Variants in PPP2R3B observed in about 807,000 individuals in gnomAD.
PPP2R3B encodes serine/threonine-protein phosphatase 2A regulatory subunit B'' subunit beta.
Under a neutral mutation model 72.9 loss-of-function variants are expected in PPP2R3B, and 68 were observed. The observed-to-expected ratio is 0.93, with a 90% confidence interval of 0.77 to 1.14. The LOEUF is 1.14. Among genes scored for constraint, PPP2R3B ranks in the 50% most tolerant of loss-of-function variants. PPP2R3B has a pLI of 0.00. For missense variants in PPP2R3B, 1,018 were observed against 842.0 expected (o/e 1.21, Z -2.59); for synonymous variants, 466 against 375.8 (o/e 1.24, Z -2.78).
intron 2 of PPP2R3B, chrX:347,918 C>G: frequency 1.9e-6 from 1 of 531,594 alleles, no homozygotes; most frequent in Non-Finnish European, 3.3e-6. Context: ...CGCAGTATCC[C>G]CTGACCACAG....
intron 2 of PPP2R3B, chrX:359,813 G>A (rs770350334): frequency 3.3e-5 from 17 of 511,734 alleles, no homozygotes; most frequent in African/African-American, 2.3e-4. Flanking sequence ...AACAATAAGA[G>A]GATAAACCAA....
At chrX:382,779 G>A (rs1265477822) in intron 1 of PPP2R3B, among the ~76,000 whole-genome samples, 2 of 151,940 alleles carry the variant, frequency 1.3e-5, no homozygotes, top group African/African-American at 4.8e-5. Context: ...AGTCACAATA[G>A]TCCCAGCCCT....
intron 1 of PPP2R3B, chrX:373,582 C>T (rs1161751717): frequency 6.9e-6 from 2 of 288,866 alleles, no homozygotes; most frequent in Admixed American, 3.4e-5. Flanking sequence ...AGCACGAAGT[C>T]GCAGCCGCGG....
At chrX:345,186 G>A (rs2071171155) in intron 7 of PPP2R3B, 1 of 577,222 alleles carries the variant, frequency 1.7e-6, no homozygotes. Context: ...AAGGCGTGTG[G>A]CCTGCCCGCC....
chrX:374,307 A>T (rs1476205688), intron 1 of PPP2R3B, among the ~76,000 whole-genome samples: 2 of 152,116 alleles, frequency 1.3e-5, no homozygotes, highest in Non-Finnish European at 2.9e-5. Flanking sequence ...AGGGCACGCC[A>T]GGTGCAGCTG....
rs369915263 is a variant in PPP2R3B at position 383,030 on chromosome X, A to T, written c.324+3338T>A. On this transcript the variant is annotated intron_variant, in intron 1 of 12. Transcript: ENST00000390665. ...GCTTCAGGTTTTGCAGCTCACTGGG[A>T]AAGTGCACTGGGCCGGAGCTCAAGA... Among the ~76,000 whole-genome samples, 8 of 152,238 alleles carry T rather than the reference A, an allele frequency of 5.3e-5. 1 individual carries two copies. The highest frequency in any genetic ancestry group is 9.6e-5 in the African/African-American group (4 of 41,552).
Position 379,223 on chromosome X carries a change from CTGTGTG to C in PPP2R3B, c.324+7139_324+7144del, listed in dbSNP as rs2072068592. On this transcript the variant is annotated intron_variant, in intron 1 of 12. Coordinates refer to ENST00000390665, the MANE Select transcript of PPP2R3B (RefSeq NM_013239.5). ...CGTGTGTATGCACCTGTGTATGCAC[CTGTGTG>C]TATGCACCTATGTGTGTGTGTGTGT... Among the ~76,000 whole-genome samples the C allele has an allele frequency of 2.2e-5, 3 of 137,110 alleles. No homozygotes were observed. In the Admixed American group the frequency reaches 2.2e-4, roughly 10 times the overall value. The allele number at this position is 137,110 out of a possible 152,430, so 89.9% of individuals were successfully genotyped here.
At chrX:361,285 C>T in intron 2 of PPP2R3B, 120 bp downstream of exon 2, 1 of 1,165,274 alleles carries the variant, frequency 8.6e-7, no homozygotes, top group Non-Finnish European at 1.2e-6. Context: ...AACGCACCCT[C>T]CTCGGCCGTG....
intron 2 of PPP2R3B, among the ~76,000 whole-genome samples, chrX:358,047 GACA>G (rs1425524735): frequency 6.6e-6 from 1 of 152,170 alleles, no homozygotes; most frequent in East Asian, 1.9e-4. Context: ...CCACCCGCCT[GACA>G]ACACGCGTGT....
At chrX:338,495 C>T in intron 12 of PPP2R3B, 109 bp downstream of exon 12, 3 of 1,143,662 alleles carry the variant, frequency 2.6e-6, no homozygotes, top group Middle Eastern at 2.8e-4. Context: ...ACCTGACTGA[C>T]CCCGCATCCC....
Position 346,237 on chromosome X carries a change from G to A in PPP2R3B, c.816C>T (p.Ala272=), listed in dbSNP as rs770539604. 2 of 1,572,084 alleles carry A rather than the reference G, an allele frequency of 1.3e-6. No individual in the cohort carries two copies. The highest frequency in any genetic ancestry group is 1.7e-6 in the Non-Finnish European group (2 of 1,160,490). Residue 272 remains alanine (A), a synonymous_variant, in exon 6 of 13, where the codon GCC becomes GCT. Transcript: ENST00000390665. ...TCCTGCCGGACCAGGACCGGTTCAC[G>A]GCGTAGAAGATCCGCTGGATGACCT... The part of the protein sequence containing the change: ...ITTVIQRIFY[A]VNRSWSGRIT...
At position 351,042 on chromosome X, in the gene PPP2R3B, G is replaced by A. The variant is rs148467293; in HGVS notation, c.511-3349C>T. Among the ~76,000 whole-genome samples the A allele has an allele frequency of 5.3e-3, 809 of 152,292 alleles. 8 individuals are homozygous for A. Among genetic ancestry groups the A allele is most frequent in the African/African-American group, 0.017 (720 of 41,560 alleles). ...GGCGTGGGGGACTGCAGAGGGGGCT[G>A]CGCGCCACAGCGGGGATTGCAGTGC... On this transcript the variant is annotated intron_variant, in intron 2 of 12. Coordinates refer to ENST00000390665, the MANE Select transcript of PPP2R3B (RefSeq NM_013239.5).
At chrX:359,958 T>G in intron 2 of PPP2R3B, 1 of 406,052 alleles carries the variant, frequency 2.5e-6, no homozygotes. Context: ...AAACAAAACT[T>G]TTTAAAATAC....
intron 1 of PPP2R3B, among the ~76,000 whole-genome samples, chrX:378,423 C>T (rs61101135): frequency 0.16 from 24,225 of 152,150 alleles, 2,369 homozygotes; most frequent in African/African-American, 0.28. Context: ...TCTGAAATCC[C>T]AGATTTGAAA....
chrX:385,871 A>C (rs1316773126), intron 1 of PPP2R3B, among the ~76,000 whole-genome samples: 8 of 152,292 alleles, frequency 5.3e-5, no homozygotes, highest in African/African-American at 1.9e-4. Context: ...ACTTGAGGTC[A>C]GGAGTTCGAG....
chrX:360,292 G>A (rs1179473095), intron 2 of PPP2R3B, among the ~76,000 whole-genome samples: 1 of 152,200 alleles, frequency 6.6e-6, no homozygotes, highest in African/African-American at 2.4e-5. Flanking sequence ...CCAGCACTTT[G>A]GGAGGCCGAG....
rs772609622 is a variant in PPP2R3B at position 346,218 on chromosome X, C to T, written c.835G>A (p.Gly279Ser). ...CGCAGCTCGGCGCAGGTGATCCTGC[C>T]GGACCAGGACCGGTTCACGGCGTAG... is the stretch of plus-strand genomic sequence containing the variant. ...IFYAVNRSWS[G>S]RITCAELRRS... Residue 279 changes from glycine (G) to serine (S), a missense_variant, in exon 6 of 13, where the codon GGC becomes AGC. Physicochemically the swap from Gly to Ser is moderately conservative, Grantham distance 56. Coordinates refer to ENST00000390665, the MANE Select transcript of PPP2R3B (RefSeq NM_013239.5). 7.0e-6 allele frequency: 11 copies of T among 1,571,600 alleles called. No homozygotes were observed. Among genetic ancestry groups the T allele is most frequent in the African/African-American group, 6.8e-5 (5 of 73,856 alleles).
chrX:357,779 G>A (rs975890290), intron 2 of PPP2R3B, among the ~76,000 whole-genome samples: 1 of 152,208 alleles, frequency 6.6e-6, no homozygotes, highest in Non-Finnish European at 1.5e-5. Flanking sequence ...AGCTGAGGGG[G>A]TGGAGTTTGG....
chrX:383,832 C>A, intron 1 of PPP2R3B, among the ~76,000 whole-genome samples: 1 of 77,300 alleles, frequency 1.3e-5, no homozygotes. Flanking sequence ...AGCGAGACTC[C>A]GTCTCAAAAA....
Sources: gnomAD v4.1 joint callset for allele counts (sites outside exome capture counted in the v4.1 genomes callset) on GRCh38, gnomAD v4.1.1 for gene constraint, MANE v1.5 for transcripts, NCBI Gene and HGNC (gene_info 2026-07-23, HGNC 2026-07-21) for gene names.